The following LHPP variants were observed in gnomAD, a reference collection of about 807,000 sequenced individuals.
LHPP encodes hLHPP.
In LHPP, 24 loss-of-function variants were observed where a neutral mutation model predicts 30.3. That is an observed-to-expected ratio of 0.79 (90% CI 0.57 to 1.11). The LOEUF (loss-of-function observed/expected upper bound fraction) is 1.11. Ranked by LOEUF, LHPP falls within the 50% of genes most tolerant of loss-of-function variation. LHPP has a pLI of 0.00. For synonymous variants in LHPP, 150 were observed against 157.1 expected (o/e 0.95, Z 0.34); for missense variants, 356 against 367.2 (o/e 0.97, Z 0.25).
At chr10:124,465,439 A>G (rs968082848) in intron 1 of LHPP, among the ~76,000 whole-genome samples, 1 of 152,240 alleles carries the variant, frequency 6.6e-6, no homozygotes, top group Admixed American at 6.5e-5. Context: ...TGAGACATAC[A>G]AGTCAAATGA....
At chr10:124,497,172 C>T (rs975710824) in intron 4 of LHPP, 148 bp downstream of exon 4, 2 of 633,384 alleles carry the variant, frequency 3.2e-6, no homozygotes, top group East Asian at 2.9e-5. Flanking sequence ...TCTGGGCTCC[C>T]CTGGCCGGGC....
Position 124,547,601 on chromosome 10 carries a change from G to A in LHPP, c.716+30330G>A, listed in dbSNP as rs867649356. Among the ~76,000 whole-genome samples the A allele has an allele frequency of 7.9e-5, 12 of 152,248 alleles. No individual in the cohort carries two copies. In the East Asian group the frequency reaches 9.6e-4, roughly 12 times the overall value. ...GTGAAAGGCCCCTCCCTGGAAGCCC[G>A]AGGCCCCTGGCCTGGATGCTGTAGC... On this transcript the variant is annotated intron_variant, in intron 6 of 6. Transcript: ENST00000368842.
chr10:124,476,430 G>A (rs1036699998), intron 1 of LHPP, among the ~76,000 whole-genome samples: 3 of 152,112 alleles, frequency 2.0e-5, no homozygotes, highest in Non-Finnish European at 2.9e-5. Flanking sequence ...CCTTTACCTC[G>A]TCTCCTTCAT....
In LHPP at chr10:124,571,771, C is replaced by T. The variant is rs543787325; in HGVS notation, c.717-41493C>T. Among the ~76,000 whole-genome samples, 24 of 152,282 alleles carry T rather than the reference C, an allele frequency of 1.6e-4. 2 individuals carry two copies. The South Asian group carries it at 4.6e-3, about 29-fold the overall frequency. ...CACGCTGGTCCTCAGGAAGCATCAT[C>T]AGTCAGAGACACAGGCCTTTGCTGT... On this transcript the variant is annotated intron_variant, in intron 6 of 6. Transcript: ENST00000368842.
rs1343199044 is a variant in LHPP at position 124,527,188 on chromosome 10, A to G, written c.716+9917A>G. Among the ~76,000 whole-genome samples, 5 of 152,258 alleles carry G rather than the reference A, an allele frequency of 3.3e-5. No individual in the cohort carries two copies. The South Asian group carries it at 1.0e-3, about 32-fold the overall frequency. On this transcript the variant is annotated intron_variant, in intron 6 of 6. Coordinates refer to ENST00000368842, the MANE Select transcript of LHPP (RefSeq NM_022126.4). ...CCAGGGCTGGTGGCGCTTACAGCCC[A>G]GGGGCAGGGGAGGGCACATCCCCCA...
rs1276843433 is a variant in LHPP, at chr10:124,592,549, C to A, written c.717-20715C>A. Among the ~76,000 whole-genome samples the A allele has an allele frequency of 6.6e-6, 1 of 152,220 alleles. No individual in the cohort carries two copies. Among genetic ancestry groups the A allele is most frequent in the African/African-American group, 2.4e-5 (1 of 41,458 alleles). On this transcript the variant is annotated intron_variant, in intron 6 of 6. Transcript: ENST00000368842. The surrounding 1 kb of genome is among the most constrained non-coding windows in gnomAD (Gnocchi z 6.2). ...CCAAGTTCCCGATTTCCCTTCCAGT[C>A]CTCAGTTTCCCCTTCTCTCCGGCAC...
intron 6 of LHPP, among the ~76,000 whole-genome samples, chr10:124,588,298 C>CTTTTTTTTTTTT (rs55633265): frequency 6.8e-6 from 1 of 146,918 alleles, no homozygotes; most frequent in African/African-American, 2.6e-5. Context: ...TTTTTCTCTT[C>CTTTTTTTTTTTT]TTTTTTTTTT....
intron 6 of LHPP, among the ~76,000 whole-genome samples, chr10:124,558,887 A>G (rs542044361): frequency 1.2e-4 from 18 of 152,244 alleles, no homozygotes; most frequent in African/African-American, 3.9e-4. Flanking sequence ...CTTTGGGAGG[A>G]TATTTGGAAA....
At chr10:124,547,593 G>A (rs1955380923) in intron 6 of LHPP, among the ~76,000 whole-genome samples, 2 of 152,218 alleles carry the variant, frequency 1.3e-5, no homozygotes, top group Admixed American at 1.3e-4. Context: ...GCCCCTCCCT[G>A]GAAGCCCGAG....
chr10:124,605,660 G>GGAGGCCAGCAA (rs2134016190), intron 6 of LHPP: 1 of 152,564 alleles, frequency 6.6e-6, no homozygotes, highest in African/African-American at 2.4e-5. Flanking sequence ...GCGAGGCGAG[G>GGAGGCCAGCAA]GAGGTCCGCA....
chr10:124,573,184 G>A (rs1172354200), intron 6 of LHPP, among the ~76,000 whole-genome samples: 5 of 152,204 alleles, frequency 3.3e-5, no homozygotes, highest in African/African-American at 9.7e-5. Flanking sequence ...GTACAGAAAA[G>A]TTATGGAGTT....
intron 6 of LHPP, among the ~76,000 whole-genome samples, chr10:124,572,647 T>TAAGGAAGGCAAGAAAGGA (rs1948601685): frequency 6.8e-6 from 1 of 146,214 alleles, no homozygotes; most frequent in Non-Finnish European, 1.5e-5. Flanking sequence ...AGAAAGAAAG[T>TAAGGAAGGCAAGAAAGGA]AAGAAAGGAA....
chr10:124,610,028 G>A (rs1243326263), intron 6 of LHPP, among the ~76,000 whole-genome samples: 1 of 152,246 alleles, frequency 6.6e-6, no homozygotes, highest in East Asian at 1.9e-4. Context: ...GAGTGGGACT[G>A]CAGGGTTGCA....
At chr10:124,498,178 A>AGGCCGCCCCGTCAGGGG in intron 5 of LHPP, 50 bp downstream of exon 5, 1 of 1,563,748 alleles carries the variant, frequency 6.4e-7, no homozygotes, top group Non-Finnish European at 8.8e-7. Flanking sequence ...CCCGTCAGGG[A>AGGCCGCCCCGTCAGGGG]GGCCCTGGAG....
chr10:124,517,132 T>C lies in LHPP; in HGVS notation c.625-48T>C. 6 of 1,342,480 alleles carry C rather than the reference T, an allele frequency of 4.5e-6. No individual in the cohort carries two copies. Among genetic ancestry groups the C allele is most frequent in the Non-Finnish European group, 5.1e-6 (5 of 982,280 alleles). The allele number at this position is 1,342,480 out of a possible 1,614,324, so 83.2% of individuals were successfully genotyped here. On this transcript the variant is annotated intron_variant, in intron 5 of 6. Coordinates refer to ENST00000368842, the MANE Select transcript of LHPP (RefSeq NM_022126.4). This position sits in a 1 kb window ranked among gnomAD's most constrained non-coding sequence, Gnocchi z 4.1. Reference sequence around the variant, plus strand: ...AAAAAAAGATGAAGGAGCCCGGGAATAAAACTCTCCTGACATCACTTCTGA... The same window carrying C: ...AAAAAAAGATGAAGGAGCCCGGGAACAAAACTCTCCTGACATCACTTCTGA...
intron 6 of LHPP, among the ~76,000 whole-genome samples, chr10:124,609,663 C>G (rs758222781): frequency 6.6e-6 from 1 of 152,252 alleles, no homozygotes; most frequent in Non-Finnish European, 1.5e-5. Context: ...CACCCCTATT[C>G]ACCTTTCCGT....
intron 1 of LHPP, among the ~76,000 whole-genome samples, chr10:124,471,727 ATATATATATTTG>A (rs372545775): frequency 6.5e-5 from 2 of 30,694 alleles, no homozygotes; most frequent in African/African-American, 4.3e-4. Flanking sequence ...ATATTTATGT[ATATATATATTTG>A]TATATATATT....
chr10:124,547,164 A>T (rs1172680197), intron 6 of LHPP, among the ~76,000 whole-genome samples: 1 of 152,192 alleles, frequency 6.6e-6, no homozygotes, highest in Non-Finnish European at 1.5e-5. Flanking sequence ...TCACCGGCAG[A>T]AGCAGGACCT....
rs567910781 is a variant in LHPP at position 124,585,452 on chromosome 10, T to TG, written c.717-27812_717-27811insG. Among the ~76,000 whole-genome samples, 1,210 of 151,802 alleles carry TG rather than the reference T, an allele frequency of 8.0e-3. 14 individuals are homozygous for TG. The highest frequency in any genetic ancestry group is 0.028 in the African/African-American group (1,177 of 41,396). The stretch of plus-strand genomic sequence containing the variant: ...CAACACAGTGAAACCCCGACTCTAC[T>TG]AAAATACAAAAAATTAGCCAGGCAT... On this transcript the variant is annotated intron_variant, in intron 6 of 6. Transcript: ENST00000368842.
Sources: gnomAD v4.1 joint callset for allele counts (sites outside exome capture counted in the v4.1 genomes callset) on GRCh38, gnomAD v4.1.1 for gene constraint, Gnocchi (gnomAD v3.1) non-coding constraint, MANE v1.5 for transcripts, NCBI Gene and HGNC (gene_info 2026-07-23, HGNC 2026-07-21) for gene names.